TPO: variants seen among roughly 807,000 people sequenced by gnomAD.
The protein encoded by TPO is thyroid microsomal antigen.
TPO carries 78 observed loss-of-function variants against 96.9 expected under a neutral mutation model. The ratio of observed to expected loss-of-function variants is 0.81; its 90% CI spans 0.67 to 0.97. The LOEUF is 0.97. TPO is among the 50% of genes least tolerant of loss of function. The pLI, the probability that TPO is intolerant of heterozygous loss-of-function variation, is 0.00. For synonymous variants in TPO, 547 were observed against 538.0 expected (o/e 1.02, Z -0.23); for missense variants, 1,252 against 1,274.8 (o/e 0.98, Z 0.27).
At chr2:1,463,145 C>T (rs953455443) in intron 7 of TPO, among the ~76,000 whole-genome samples, 4 of 152,082 alleles carry the variant, frequency 2.6e-5, no homozygotes, top group African/African-American at 9.7e-5. Context: ...GGAGAGGCCC[C>T]AGGGTGGGTC....
At chr2:1,503,667 G>A in intron 13 of TPO, 1 of 614,028 alleles carries the variant, frequency 1.6e-6, no homozygotes, top group Non-Finnish European at 3.1e-6. Flanking sequence ...GGCAGACCCT[G>A]ATTTCCTCCA....
At chr2:1,438,789 T>C (rs1293680808) in intron 5 of TPO, 15 of 701,686 alleles carry the variant, frequency 2.1e-5, no homozygotes, top group Admixed American at 8.8e-5. Flanking sequence ...ATTTTTTTTT[T>C]TTTTTTTGCA....
chr2:1,465,103 A>G (rs28911172), intron 7 of TPO, among the ~76,000 whole-genome samples: 66,055 of 151,976 alleles, frequency 0.43, 14,564 homozygotes, highest in East Asian at 0.49. Context: ...ATCTAGTTTC[A>G]TTCTCCTACA....
intron 1 of TPO, among the ~76,000 whole-genome samples, chr2:1,405,897 T>C (rs1662243533): frequency 6.6e-6 from 1 of 152,260 alleles, no homozygotes; most frequent in Non-Finnish European, 1.5e-5. Context: ...TATTCTAGAT[T>C]AGGCTTCTTT....
At position 1,487,758 on chromosome 2, in the gene TPO, A is replaced by G. The variant is rs1671310892; in HGVS notation, c.1598-63A>G. The G allele has an allele frequency of 3.8e-6, 6 of 1,586,672 alleles. No homozygotes were observed. The South Asian group carries it at 6.7e-5, about 18-fold the overall frequency. On this transcript the variant is annotated intron_variant, in intron 9 of 16. Coordinates refer to ENST00000329066, the MANE Select transcript of TPO (RefSeq NM_001206744.2). ...CGTCTCAAAAAAAAAAAAAATTGAG[A>G]TATTGTTGTTTCTCTAGAACTGAGC...
chr2:1,454,272 G>T (rs6588663), intron 6 of TPO, among the ~76,000 whole-genome samples: 5 of 152,152 alleles, frequency 3.3e-5, no homozygotes, highest in Middle Eastern at 3.4e-3. Context: ...GTCAAAAAAT[G>T]GGTCATTTTG....
chr2:1,380,488 TA>T lies in TPO; in HGVS notation n.180+6095del, dbSNP rs957580458. Among the ~76,000 whole-genome samples the T allele has an allele frequency of 3.8e-3, 583 of 151,560 alleles. 1 individual carries two copies. The highest frequency in any genetic ancestry group is 0.013 in the African/African-American group (550 of 41,360). Reference sequence around the variant, plus strand: ...AATGGTCATGTTCATCATTATATTCTAAAAAAAAATTCTATATTTGAAGCAT... The same window carrying T: ...AATGGTCATGTTCATCATTATATTCTAAAAAAAATTCTATATTTGAAGCAT... On this transcript the variant is annotated intron_variant and non_coding_transcript_variant, in intron 1 of 5. Coordinates refer to the TPO transcript ENST00000497517.
chr2:1,532,577 C>T (rs57748564), intron 15 of TPO, among the ~76,000 whole-genome samples: 1,754 of 109,588 alleles, frequency 0.016, 115 homozygotes, highest in African/African-American at 0.067. Context: ...CAACTGTGTG[C>T]GACCTCCCCA....
intron 15 of TPO, among the ~76,000 whole-genome samples, chr2:1,522,935 T>C (rs2125106235): frequency 1.7e-5 from 2 of 116,914 alleles, no homozygotes; most frequent in African/African-American, 3.4e-5. Flanking sequence ...TCCCCTCCAC[T>C]CTGTGTAACC....
In TPO at chr2:1,433,627, C is replaced by T; in HGVS notation, c.349+20C>T. The stretch of plus-strand genomic sequence containing the variant: ...CAACGGGTAATGTGTGCCCCTCTCC[C>T]CACTGAGGAGCGGCAACTCCCGAAG... On this transcript the variant is annotated intron_variant, in intron 4 of 16. Transcript: ENST00000329066. 6.2e-7 allele frequency: 1 copy of T among 1,611,632 alleles called. No individual in the cohort carries two copies. Among genetic ancestry groups the T allele is most frequent in the South Asian group, 1.1e-5 (1 of 90,748 alleles).
At chr2:1,479,782 CCTTCTTCTT>C (rs992144695) in intron 8 of TPO, among the ~76,000 whole-genome samples, 11 of 139,036 alleles carry the variant, frequency 7.9e-5, no homozygotes, top group African/African-American at 2.9e-4. Flanking sequence ...TTCTTCTTCT[CCTTCTTCTT>C]CTTTTTTTTT....
At chr2:1,394,958 G>A (rs907241295) in intron 1 of TPO, among the ~76,000 whole-genome samples, 1 of 151,988 alleles carries the variant, frequency 6.6e-6, no homozygotes, top group East Asian at 1.9e-4. Context: ...TGAGGCTTCC[G>A]CTTCCCTGCA....
chr2:1,405,437 A>G (rs1276367411), intron 1 of TPO, among the ~76,000 whole-genome samples: 1 of 149,390 alleles, frequency 6.7e-6, no homozygotes, highest in Non-Finnish European at 1.5e-5. Context: ...TTCTTCATCC[A>G]CCCATCTACT....
At chr2:1,391,033 A>T (rs1661992037) in intron 1 of TPO, among the ~76,000 whole-genome samples, 1 of 152,118 alleles carries the variant, frequency 6.6e-6, no homozygotes, top group Admixed American at 6.5e-5. Flanking sequence ...TCTTTAGTTT[A>T]ATTAGATCCC....
chr2:1,529,182 C>T (rs1204006681), intron 15 of TPO, among the ~76,000 whole-genome samples: 1 of 86,440 alleles, frequency 1.2e-5, no homozygotes, highest in Non-Finnish European at 2.1e-5. Context: ...TGTGCAGCCT[C>T]TCCAAATCCC....
chr2:1,507,974 G>A (rs938223782), intron 14 of TPO, among the ~76,000 whole-genome samples: 1 of 152,110 alleles, frequency 6.6e-6, no homozygotes. Flanking sequence ...GTTTTCAAAG[G>A]GAATGCTTCC....
upstream of TPO, among the ~76,000 whole-genome samples, chr2:1,409,792 G>GCA (rs1289974178): frequency 3.1e-4 from 33 of 105,220 alleles, no homozygotes; most frequent in South Asian, 2.2e-3. Context: ...AAAACAGTGC[G>GCA]CGCACACACA....
upstream of TPO, among the ~76,000 whole-genome samples, chr2:1,410,783 C>T (rs562099673): frequency 5.9e-5 from 9 of 152,116 alleles, no homozygotes; most frequent in East Asian, 3.9e-4. Context: ...CTGTATCATG[C>T]GTTCCTTGCA....
rs577365476 is a variant in TPO at position 1,459,849 on chromosome 2, G to C, written c.819+3567G>C. 2.6e-5 allele frequency among the ~76,000 whole-genome samples: 4 copies of C among 152,306 alleles called. No individual in the cohort carries two copies. The South Asian group carries it at 6.2e-4, about 24-fold the overall frequency. On this transcript the variant is annotated intron_variant, in intron 7 of 16. Transcript: ENST00000329066. ...GCTGGGGCTCAGACCCTGGGAGACA[G>C]GGGGCCCCTTGCTCTTCTCTGCAGA... is the stretch of plus-strand genomic sequence containing the variant.
Sources: allele counts gnomAD v4.1 joint callset (sites outside exome capture counted in the v4.1 genomes callset), GRCh38; gene constraint gnomAD v4.1.1; transcripts MANE v1.5; gene names NCBI Gene and HGNC (gene_info 2026-07-23, HGNC 2026-07-21).